OSCP1: variants seen among roughly 807,000 people sequenced by gnomAD.
The protein encoded by OSCP1 is organic solute carrier partner 1.
OSCP1 carries 35 observed loss-of-function variants against 45.1 expected under a neutral mutation model. The observed-to-expected ratio is 0.78, with a 90% confidence interval of 0.59 to 1.03. OSCP1 has a LOEUF of 1.03. Ranked by LOEUF, OSCP1 falls within the 50% of genes least tolerant of loss-of-function variation. OSCP1 has a pLI of 0.00. For missense variants in OSCP1, 400 were observed against 470.7 expected, an observed-to-expected ratio of 0.85 and a Z score of 1.39; for synonymous variants, 179 against 180.1, an observed-to-expected ratio of 0.99 and a Z score of 0.05.
Position 36,428,485 on chromosome 1 carries a change from CACAA to C in OSCP1, c.516+3313_516+3316del, listed in dbSNP as rs767502121. The C allele has an allele frequency of 8.8e-5, 142 of 1,609,542 alleles. No individual in the cohort carries two copies. In the African/African-American group the frequency reaches 1.7e-3, roughly 19 times the overall value. On this transcript the variant is annotated intron_variant, in intron 4 of 9. Transcript: ENST00000235532. ...TCCAGAAGCACTCTCTCTGTATATG[CACAA>C]ACAAATACATATATGTTACATATGC... is the stretch of plus-strand genomic sequence containing the variant.
intron 7 of OSCP1, among the ~76,000 whole-genome samples, chr1:36,421,764 C>G (rs1482602110): frequency 2.0e-5 from 3 of 152,318 alleles, no homozygotes; most frequent in South Asian, 4.1e-4. Flanking sequence ...CTAAAACCCC[C>G]CACTCTGACT....
At chr1:36,432,363 A>T in intron 3 of OSCP1, 59 bp downstream of exon 3, 1 of 1,569,542 alleles carries the variant, frequency 6.4e-7, no homozygotes, top group East Asian at 2.2e-5. Context: ...ACCTGTTCTT[A>T]ACAGAGGGAT....
At chr1:36,432,400 G>A in intron 3 of OSCP1, 22 bp downstream of exon 3, 2 of 1,611,836 alleles carry the variant, frequency 1.2e-6, no homozygotes, top group Non-Finnish European at 1.7e-6. Flanking sequence ...GCTGAGAGGC[G>A]AGACACTGAT....
intron 4 of OSCP1, among the ~76,000 whole-genome samples, chr1:36,426,721 T>C (rs1355387478): frequency 1.3e-5 from 2 of 152,208 alleles, no homozygotes; most frequent in Admixed American, 1.3e-4. Context: ...ATTTTAATTT[T>C]TTAAGGCAGC....
intron 2 of OSCP1, among the ~76,000 whole-genome samples, chr1:36,433,362 G>T (rs1175490247): frequency 1.3e-5 from 2 of 152,220 alleles, no homozygotes; most frequent in African/African-American, 4.8e-5. Context: ...GCAGCAATGA[G>T]TATGTTATTT....
At position 36,418,227 on chromosome 1, in the gene OSCP1, C is replaced by T. The variant is rs769918188; in HGVS notation, c.1052G>A (p.Arg351Gln). ...QDQQRSEELA[R>Q]IMGEFEITEQ... is the part of the protein sequence containing the mutation. ...CGTGATCTCAAACTCCCCCATGATT[C>T]GAGCCAGCTCCTCGCTCCGTTGCTG... Residue 351 changes from arginine to glutamine, a missense_variant, in exon 10 of 10, where the codon CGA (arginine) becomes CAA (glutamine). Physicochemically the swap from Arg to Gln is conservative, Grantham distance 43. Transcript: ENST00000235532. 1.7e-5 allele frequency: 27 copies of T among 1,614,052 alleles called. No homozygotes were observed. Among genetic ancestry groups the T allele is most frequent in the East Asian group, 2.2e-5 (1 of 44,890 alleles).
chr1:36,420,287 T>C, intron 8 of OSCP1, 189 bp downstream of exon 8: 1 of 730,128 alleles, frequency 1.4e-6, no homozygotes, highest in East Asian at 3.2e-5. Flanking sequence ...CATCTCTTTT[T>C]TTGAATGACT....
chr1:36,434,375 A>G (rs1192698786), intron 2 of OSCP1, among the ~76,000 whole-genome samples: 1 of 152,322 alleles, frequency 6.6e-6, no homozygotes, highest in East Asian at 1.9e-4. Flanking sequence ...ATCAGATTCT[A>G]AGGCACTTGC....
chr1:36,422,917 T>C (rs1272254065), intron 5 of OSCP1, 21 bp from the exon 6 acceptor site: 1 of 1,563,724 alleles, frequency 6.4e-7, no homozygotes, highest in African/African-American at 1.4e-5. Context: ...AAGTATGACA[T>C]GATGGAATGT....
At chr1:36,424,409 G>T (rs10157686) in intron 4 of OSCP1, among the ~76,000 whole-genome samples, 104,305 of 152,104 alleles carry the variant, frequency 0.69, 36,347 homozygotes, top group African/African-American at 0.81. Flanking sequence ...CCACCCGTAT[G>T]CCTTGGTTCC....
At chr1:36,429,542 T>TTTTTTTTTTTTTTTTTTTTG in intron 4 of OSCP1, among the ~76,000 whole-genome samples, 1 of 69,492 alleles carries the variant, frequency 1.4e-5, no homozygotes, top group African/African-American at 6.8e-5. Context: ...AGAATTTTTT[T>TTTTTTTTTTTTTTTTTTTTG]TTTTTTTTTT....
intron 2 of OSCP1, among the ~76,000 whole-genome samples, chr1:36,436,078 T>A (rs565625848): frequency 4.6e-5 from 7 of 151,550 alleles, no homozygotes; most frequent in African/African-American, 1.7e-4. Context: ...TCATGATTTT[T>A]AAAATTTTTC....
intron 4 of OSCP1, among the ~76,000 whole-genome samples, chr1:36,424,311 G>A (rs1456425303): frequency 6.6e-6 from 1 of 152,162 alleles, no homozygotes; most frequent in African/African-American, 2.4e-5. Flanking sequence ...TTTTAAAGAC[G>A]AGAAAGCTAA....
chr1:36,420,929 G>A (rs939288017), intron 7 of OSCP1, among the ~76,000 whole-genome samples: 2 of 151,918 alleles, frequency 1.3e-5, no homozygotes, highest in East Asian at 1.9e-4. Flanking sequence ...CCTGTCAATC[G>A]GTTTCCCTCA....
intron 3 of OSCP1, 100 bp downstream of exon 3, chr1:36,432,322 T>G: frequency 7.2e-7 from 1 of 1,387,586 alleles, no homozygotes; most frequent in Admixed American, 2.2e-5. Flanking sequence ...GGCTTTGCCA[T>G]TCCTCATCCT....
intron 4 of OSCP1, among the ~76,000 whole-genome samples, chr1:36,424,581 C>T (rs887318660): frequency 3.3e-5 from 5 of 152,138 alleles, no homozygotes; most frequent in East Asian, 1.9e-4. Flanking sequence ...CTTTGGAGCC[C>T]GAACCTTATC....
intron 2 of OSCP1, among the ~76,000 whole-genome samples, chr1:36,434,373 C>A (rs1020813091): frequency 3.3e-5 from 5 of 152,214 alleles, no homozygotes; most frequent in Admixed American, 6.5e-5. Flanking sequence ...CTATCAGATT[C>A]TAAGGCACTT....
chr1:36,428,584 G>T, intron 4 of OSCP1: 1 of 1,340,482 alleles, frequency 7.5e-7, no homozygotes, highest in Non-Finnish European at 9.8e-7. Flanking sequence ...TAAGACTTAA[G>T]AGAAGTTATT....
At chr1:36,426,068 G>A (rs1647945489) in intron 4 of OSCP1, among the ~76,000 whole-genome samples, 1 of 152,188 alleles carries the variant, frequency 6.6e-6, no homozygotes, top group African/African-American at 2.4e-5. Flanking sequence ...TTTGGTCAGA[G>A]GGTTTGCTGG....
Sources: gnomAD v4.1 joint callset for allele counts (sites outside exome capture counted in the v4.1 genomes callset) on GRCh38, gnomAD v4.1.1 for gene constraint, MANE v1.5 for transcripts, NCBI Gene and HGNC (gene_info 2026-07-23, HGNC 2026-07-21) for gene names.